CYP2J2: variants seen among roughly 807,000 people sequenced by gnomAD.
CYP2J2 encodes the protein cytochrome P450 family 2 subfamily J member 2, also known as cytochrome P450 2J2.
Under a neutral mutation model 48.8 loss-of-function variants are expected in CYP2J2, and 41 were observed. The ratio of observed to expected loss-of-function variants is 0.84; its 90% CI spans 0.66 to 1.09. The LOEUF (loss-of-function observed/expected upper bound fraction) is 1.09. Among genes scored for constraint, CYP2J2 ranks in the 50% least tolerant of loss-of-function variants. CYP2J2 has a pLI of 0.00. For synonymous variants in CYP2J2, 221 were observed against 227.1 expected (o/e 0.97, Z 0.24); for missense variants, 644 against 617.3 (o/e 1.04, Z -0.46).
the CYP2J2 span, among the ~76,000 whole-genome samples, chr1:59,947,691 A>G: frequency 6.6e-6 from 1 of 152,204 alleles, no homozygotes; most frequent in Non-Finnish European, 1.5e-5. Flanking sequence ...ACTGTATGAT[A>G]AGGTGTGAAT....
intron 1 of CYP2J2, among the ~76,000 whole-genome samples, chr1:59,922,622 A>G (rs968447361): frequency 5.9e-5 from 9 of 152,176 alleles, no homozygotes; most frequent in African/African-American, 2.2e-4. Flanking sequence ...CTCTTTTAAC[A>G]CCTATCTTAG....
At chr1:59,916,502 G>C (rs1644467371) in intron 1 of CYP2J2, among the ~76,000 whole-genome samples, 1 of 152,216 alleles carries the variant, frequency 6.6e-6, no homozygotes. Context: ...GGGGGGCCGA[G>C]GTAGGCAAAT....
rs1644421319 is a variant in CYP2J2 at position 59,912,046 on chromosome 1, A to G, written c.523+116T>C. 3 of 1,182,344 alleles carry G rather than the reference A, an allele frequency of 2.5e-6. No individual in the cohort carries two copies. In the South Asian group the frequency reaches 4.9e-5, roughly 19 times the overall value. 73.2% of individuals were successfully genotyped at this position (1,182,344 alleles called of 1,614,324 possible). Reference sequence around the variant, plus strand: ...TGAGGACAGAGTTGTTCACTGTTCTATCTTCCATTCCTAGCACAGTGCTGG... The same window carrying G: ...TGAGGACAGAGTTGTTCACTGTTCTGTCTTCCATTCCTAGCACAGTGCTGG... On this transcript the variant is annotated intron_variant, in intron 3 of 8. Coordinates refer to ENST00000371204, the MANE Select transcript of CYP2J2 (RefSeq NM_000775.4).
the CYP2J2 span, among the ~76,000 whole-genome samples, chr1:59,948,028 T>C: frequency 1.9e-3 from 295 of 152,304 alleles, no homozygotes; most frequent in African/African-American, 6.6e-3. Flanking sequence ...TGGATTTGCA[T>C]TTGCACCAGG....
chr1:59,938,665 G>A, the CYP2J2 span, among the ~76,000 whole-genome samples: 1 of 152,138 alleles, frequency 6.6e-6, no homozygotes, highest in African/African-American at 2.4e-5. Flanking sequence ...GCAGGAGAAA[G>A]AGACCTTCCT....
intron 5 of CYP2J2, 109 bp from the exon 6 acceptor site, chr1:59,908,036 C>A (rs897253714): frequency 1.9e-6 from 2 of 1,069,636 alleles, no homozygotes; most frequent in Non-Finnish European, 1.4e-6. Context: ...AAAAGGTCCC[C>A]AAAAGAAACA....
intron 7 of CYP2J2, 110 bp from the exon 8 acceptor site, chr1:59,901,213 C>T (rs1644317148): frequency 8.2e-6 from 9 of 1,092,938 alleles, no homozygotes; most frequent in Non-Finnish European, 1.1e-5. Context: ...ACATACTGCC[C>T]CACCCTCCCC....
the CYP2J2 span, among the ~76,000 whole-genome samples, chr1:59,962,116 T>C: frequency 6.6e-6 from 1 of 152,152 alleles, no homozygotes; most frequent in African/African-American, 2.4e-5. Flanking sequence ...AATTTTATGG[T>C]ATGTAGATAT....
intron 7 of CYP2J2, 61 bp downstream of exon 7, chr1:59,904,809 TC>T (rs943202799): frequency 9.4e-6 from 13 of 1,377,618 alleles, no homozygotes; most frequent in African/African-American, 7.2e-5. Context: ...AGAATAAATG[TC>T]ACTTCTCAAG....
intron 1 of CYP2J2, among the ~76,000 whole-genome samples, chr1:59,922,064 C>G (rs2407766): frequency 0.13 from 19,769 of 152,134 alleles, 1,386 homozygotes; most frequent in Admixed American, 0.18. Context: ...TCCAGAAGGT[C>G]GTGACCCCCC....
chr1:59,944,684 C>A, the CYP2J2 span, among the ~76,000 whole-genome samples: 3 of 152,144 alleles, frequency 2.0e-5, no homozygotes, highest in South Asian at 6.2e-4. Context: ...CTTGCCAATT[C>A]AGAGCTTGTG....
At chr1:59,908,609 C>T (rs762196622) in intron 5 of CYP2J2, among the ~76,000 whole-genome samples, 2 of 152,176 alleles carry the variant, frequency 1.3e-5, no homozygotes, top group Non-Finnish European at 2.9e-5. Context: ...TCCTTACCTG[C>T]ACAACATATA....
chr1:59,905,007 C>T lies in CYP2J2; in HGVS notation c.1055G>A (p.Ser352Asn), dbSNP rs1644353897. ...DRVIGQGQQP[S>N]TAARESMPYT... ...GGGCATGGACTCCCGGGCGGCTGTG[C>T]TCGGCTGCTGCCCCTGGCCAATCAC... The change falls in exon 7 of 9, where the codon AGC becomes AAC. Residue 352 changes from serine (S) to asparagine (N), a missense_variant. Transcript: ENST00000371204. 6.2e-7 allele frequency: 1 copy of T among 1,613,866 alleles called. No homozygotes were observed. Among genetic ancestry groups the T allele is most frequent in the African/African-American group, 1.3e-5 (1 of 74,892 alleles).
the CYP2J2 span, among the ~76,000 whole-genome samples, chr1:59,950,025 A>G: frequency 6.6e-6 from 1 of 152,192 alleles, no homozygotes; most frequent in Non-Finnish European, 1.5e-5. Context: ...GCATAGTCCA[A>G]TTCAAAGACC....
chr1:59,928,751 G>A (rs1416473225), upstream of CYP2J2, among the ~76,000 whole-genome samples: 1 of 152,194 alleles, frequency 6.6e-6, no homozygotes, highest in Non-Finnish European at 1.5e-5. Flanking sequence ...GGAGAGGTTA[G>A]CCACAAACAC....
chr1:59,903,831 A>G (rs1319625081), intron 7 of CYP2J2, among the ~76,000 whole-genome samples: 1 of 152,196 alleles, frequency 6.6e-6, no homozygotes, highest in African/African-American at 2.4e-5. Flanking sequence ...CTGCTTCCAG[A>G]TCCCAACTCT....
the CYP2J2 span, among the ~76,000 whole-genome samples, chr1:59,963,871 A>G: frequency 6.6e-6 from 1 of 152,218 alleles, no homozygotes; most frequent in African/African-American, 2.4e-5. Context: ...GTTTAACAAA[A>G]CAGTTCACAT....
chr1:59,907,726 C>T, intron 6 of CYP2J2, 60 bp downstream of exon 6: 4 of 1,583,200 alleles, frequency 2.5e-6, no homozygotes, highest in East Asian at 2.2e-5. Flanking sequence ...CGACTTCAGG[C>T]AGCACATCCC....
upstream of CYP2J2, chr1:59,926,809 C>T: frequency 6.9e-7 from 1 of 1,441,292 alleles, no homozygotes; most frequent in Non-Finnish European, 9.5e-7. Context: ...AGGCGACGGT[C>T]CCCGCCCCGC....
Sources: gnomAD v4.1 joint callset for allele counts (sites outside exome capture counted in the v4.1 genomes callset) on GRCh38, gnomAD v4.1.1 for gene constraint, MANE v1.5 for transcripts, NCBI Gene and HGNC (gene_info 2026-07-23, HGNC 2026-07-21) for gene names.